DLG2: variants seen among roughly 807,000 people sequenced by gnomAD.
The protein encoded by DLG2 is discs large MAGUK scaffold protein 2, also known as disks large homolog 2.
DLG2 carries 45 observed loss-of-function variants against 132.5 expected under a neutral mutation model. That is an observed-to-expected ratio of 0.34 (90% confidence interval 0.27 to 0.44). The LOEUF (loss-of-function observed/expected upper bound fraction) is 0.44, where lower values mean the gene tolerates loss of function less well. DLG2 is among the 20% of genes least tolerant of loss of function. The probability of loss-of-function intolerance (pLI) is 1.00; values close to 1 mark genes in which losing one functional copy is unlikely to be tolerated. For missense variants in DLG2, 1,045 were observed against 1,196.9 expected (o/e 0.87, Z 1.87); for synonymous variants, 424 against 419.6 (o/e 1.01, Z -0.13).
intron 11 of DLG2, among the ~76,000 whole-genome samples, chr11:84,024,372 T>A (rs1457351502): frequency 2.0e-5 from 3 of 152,146 alleles, no homozygotes; most frequent in African/African-American, 7.2e-5. Flanking sequence ...TAAATAAAAC[T>A]AAAAACAGAA....
At chr11:84,948,738 T>C (rs984048309) in intron 6 of DLG2, among the ~76,000 whole-genome samples, 1 of 152,190 alleles carries the variant, frequency 6.6e-6, no homozygotes, top group African/African-American at 2.4e-5. Context: ...ACAAAATACA[T>C]ATTTGTTCCC....
At chr11:84,500,155 T>C (rs79349228) in intron 7 of DLG2, among the ~76,000 whole-genome samples, 2,567 of 152,202 alleles carry the variant, frequency 0.017, 79 homozygotes, top group African/African-American at 0.058. Flanking sequence ...CATGGTCGTA[T>C]GATAGAGCGA....
chr11:84,199,034 G>T (rs1307152362), intron 8 of DLG2, among the ~76,000 whole-genome samples: 1 of 152,108 alleles, frequency 6.6e-6, no homozygotes, highest in Non-Finnish European at 1.5e-5. Flanking sequence ...ATTCTCAAGT[G>T]CAGTATTATT....
chr11:83,673,166 T>A (rs1303635526), intron 18 of DLG2, among the ~76,000 whole-genome samples: 2 of 152,202 alleles, frequency 1.3e-5, no homozygotes, highest in Admixed American at 6.5e-5. Flanking sequence ...AAACATATAT[T>A]TGTCCATATA....
At position 84,201,555 on chromosome 11, in the gene DLG2, A is replaced by T. The variant is rs1597308387; in HGVS notation, c.574-38044T>A. The stretch of plus-strand genomic sequence containing the variant: ...CTTCCTTGGACCTCTGGTAGAATTT[A>T]GCTGTTTATATGTCTGGTTCTGGGC... On this transcript the variant is annotated intron_variant, in intron 8 of 27. Transcript: ENST00000376104. Among the ~76,000 whole-genome samples, 3 of 144,024 alleles carry T rather than the reference A, an allele frequency of 2.1e-5. No homozygotes were observed. The Admixed American group carries it at 2.1e-4, about 10-fold the overall frequency. 94.5% of individuals were successfully genotyped at this position (144,024 alleles called of 152,430 possible). A position where few individuals can be genotyped will look rare whatever the true frequency, so the allele number is the denominator to read the frequency against.
At position 84,521,696 on chromosome 11, in the gene DLG2, T is replaced by C. The variant is rs538079403; in HGVS notation, c.519+12874A>G. Reference sequence around the variant, plus strand: ...CTCCATTTTCTAATTCATATAAATATGTTGAATGAGTAGCGGCAGCTCAGC... The same window carrying C: ...CTCCATTTTCTAATTCATATAAATACGTTGAATGAGTAGCGGCAGCTCAGC... On this transcript the variant is annotated intron_variant, in intron 7 of 27. Transcript: ENST00000376104. 3.3e-3 allele frequency among the ~76,000 whole-genome samples: 507 copies of C among 152,308 alleles called. 2 individuals are homozygous for C. The highest frequency in any genetic ancestry group is 0.01 in the African/African-American group (428 of 41,578).
At chr11:84,639,672 A>AT (rs2099651508) in intron 6 of DLG2, among the ~76,000 whole-genome samples, 1 of 152,088 alleles carries the variant, frequency 6.6e-6, no homozygotes, top group Non-Finnish European at 1.5e-5. Flanking sequence ...AATTTCAAAC[A>AT]TTATTAGTGG....
intron 4 of DLG2, among the ~76,000 whole-genome samples, chr11:85,156,805 G>A (rs1344237221): frequency 6.6e-6 from 1 of 152,132 alleles, no homozygotes; most frequent in African/African-American, 2.4e-5. Flanking sequence ...TTGTCCTAAG[G>A]TGATTGAGCT....
At chr11:84,000,094 G>C (rs146507385) in intron 11 of DLG2, among the ~76,000 whole-genome samples, 3 of 152,126 alleles carry the variant, frequency 2.0e-5, no homozygotes, top group Admixed American at 2.0e-4. Context: ...TGATATAGAA[G>C]AGAATTATGA....
At position 83,719,900 on chromosome 11, in the gene DLG2, A is replaced by G. The variant is rs150491987; in HGVS notation, c.1825+66790T>C. Among the ~76,000 whole-genome samples the G allele has an allele frequency of 9.2e-4, 140 of 152,320 alleles. 1 individual carries two copies. The highest frequency in any genetic ancestry group is 8.9e-3 in the South Asian group (43 of 4,830). On this transcript the variant is annotated intron_variant, in intron 18 of 27. Coordinates refer to ENST00000376104, the MANE Select transcript of DLG2 (RefSeq NM_001142699.3). ...CCAGTCTTAGCCTTTGTTCCCGACA[A>G]ACAGACTGGATAACTTCCATCAAGG...
At chr11:85,460,072 G>A (rs776693359) in intron 3 of DLG2, among the ~76,000 whole-genome samples, 1 of 152,198 alleles carries the variant, frequency 6.6e-6, no homozygotes, top group African/African-American at 2.4e-5. Context: ...GTGCAGAGCT[G>A]CTACCAGCCC....
intron 6 of DLG2, among the ~76,000 whole-genome samples, chr11:84,685,864 T>C (rs1017505397): frequency 4.6e-5 from 7 of 152,168 alleles, no homozygotes; most frequent in East Asian, 3.9e-4. Context: ...TTTTTTGTAT[T>C]TTTTAGTAGA....
At chr11:84,049,323 T>C (rs2096305362) in intron 11 of DLG2, among the ~76,000 whole-genome samples, 1 of 151,778 alleles carries the variant, frequency 6.6e-6, no homozygotes, top group Admixed American at 6.6e-5. Flanking sequence ...TATCTAGAAA[T>C]TGTTTTTTGA....
intron 19 of DLG2, among the ~76,000 whole-genome samples, chr11:83,550,759 G>C (rs1166306163): frequency 6.6e-6 from 1 of 152,122 alleles, no homozygotes; most frequent in Non-Finnish European, 1.5e-5. Flanking sequence ...TTATGTTCTG[G>C]GTCTGTGTAT....
At chr11:84,184,418 A>G (rs1269846347) in intron 8 of DLG2, among the ~76,000 whole-genome samples, 9,677 of 150,382 alleles carry the variant, frequency 0.064, 381 homozygotes, top group African/African-American at 0.098. Context: ...CTTTTTGATG[A>G]GTTTTTTTTT....
At chr11:85,622,092 A>G (rs181546998) in intron 2 of DLG2, among the ~76,000 whole-genome samples, 132 of 152,344 alleles carry the variant, frequency 8.7e-4, no homozygotes, top group African/African-American at 3.1e-3. Flanking sequence ...ATCTTCCACC[A>G]GCAAAAAGAT....
chr11:83,729,065 T>C (rs1009895138), intron 18 of DLG2, among the ~76,000 whole-genome samples: 1 of 152,218 alleles, frequency 6.6e-6, no homozygotes, highest in Admixed American at 6.5e-5. Flanking sequence ...TAATAAATTA[T>C]TTTAGACAAT....
intron 6 of DLG2, among the ~76,000 whole-genome samples, chr11:84,788,599 A>G (rs1245095399): frequency 6.6e-6 from 1 of 151,986 alleles, no homozygotes; most frequent in East Asian, 1.9e-4. Context: ...GTTTCCCTCT[A>G]CTACTTGTGT....
intron 5 of DLG2, among the ~76,000 whole-genome samples, chr11:85,150,182 G>C (rs941409929): frequency 6.6e-6 from 1 of 151,656 alleles, no homozygotes; most frequent in African/African-American, 2.4e-5. Context: ...ACTATGCTCG[G>C]CTAATTTTTT....
Sources: allele counts gnomAD v4.1 joint callset (sites outside exome capture counted in the v4.1 genomes callset), GRCh38; gene constraint gnomAD v4.1.1; transcripts MANE v1.5; gene names NCBI Gene and HGNC (gene_info 2026-07-23, HGNC 2026-07-21).